THEMIS: variants seen among roughly 807,000 people sequenced by gnomAD.
THEMIS encodes the protein thymocyte selection associated.
THEMIS carries 37 observed loss-of-function variants against 52.6 expected under a neutral mutation model. That is an observed-to-expected ratio of 0.70 (90% CI 0.54 to 0.93). The LOEUF (loss-of-function observed/expected upper bound fraction) is 0.93, where lower values mean the gene tolerates loss of function less well. Among genes scored for constraint, THEMIS ranks in the 40% least tolerant of loss-of-function variants. The pLI is 0.00. For missense variants in THEMIS, 808 were observed against 763.1 expected (o/e 1.06, Z -0.69); for synonymous variants, 292 against 272.7 (o/e 1.07, Z -0.70).
intron 4 of THEMIS, among the ~76,000 whole-genome samples, chr6:127,753,642 T>A (rs1194938908): frequency 6.6e-6 from 1 of 151,920 alleles, no homozygotes; most frequent in Non-Finnish European, 1.5e-5. Context: ...GCTAAATCAA[T>A]CTTGTAAAGG....
At chr6:127,885,778 T>C (rs899620958) in intron 1 of THEMIS, among the ~76,000 whole-genome samples, 1 of 152,156 alleles carries the variant, frequency 6.6e-6, no homozygotes, top group Non-Finnish European at 1.5e-5. Context: ...TTGAGCATCA[T>C]ACTTTTGGGC....
At chr6:127,753,727 G>A (rs1775725616) in intron 4 of THEMIS, among the ~76,000 whole-genome samples, 1 of 152,016 alleles carries the variant, frequency 6.6e-6, no homozygotes, top group South Asian at 2.1e-4. Flanking sequence ...ATAATAGAAT[G>A]TTGATTGCCA....
chr6:127,765,369 T>C (rs1232334837), intron 4 of THEMIS, among the ~76,000 whole-genome samples: 3 of 152,096 alleles, frequency 2.0e-5, no homozygotes, highest in Non-Finnish European at 4.4e-5. Context: ...TTGGGATGAA[T>C]TTTCAACTAG....
chr6:127,828,115 G>A lies in THEMIS; in HGVS notation c.709+1361C>T, dbSNP rs867596522. 7.2e-5 allele frequency among the ~76,000 whole-genome samples: 11 copies of A among 152,106 alleles called. 2 individuals carry two copies. The Middle Eastern group carries it at 0.017, about 235-fold the overall frequency. On this transcript the variant is annotated intron_variant, in intron 3 of 5. Coordinates refer to ENST00000368248, the MANE Select transcript of THEMIS (RefSeq NM_001010923.3). ...CCTTCCATTTAAATGCCATTTCCTC[G>A]GAGTAGTTTTTCTTGCTTCCTAATT... is the stretch of plus-strand genomic sequence containing the variant.
At chr6:127,891,473 T>C (rs1583401742) in intron 1 of THEMIS, among the ~76,000 whole-genome samples, 1 of 143,806 alleles carries the variant, frequency 7.0e-6, no homozygotes, top group East Asian at 2.0e-4. Flanking sequence ...GAGGTGGAGG[T>C]TGCAGTGAGC....
intron 1 of THEMIS, among the ~76,000 whole-genome samples, chr6:127,867,297 A>G (rs1256135757): frequency 2.6e-5 from 4 of 152,126 alleles, no homozygotes; most frequent in Admixed American, 6.6e-5. Context: ...TTCCACTGCT[A>G]AAATAAATCC....
downstream of THEMIS, among the ~76,000 whole-genome samples, chr6:127,705,368 A>C (rs116517800): frequency 4.6e-3 from 696 of 152,320 alleles, 4 homozygotes; most frequent in African/African-American, 0.016. Context: ...ATGATGGCAG[A>C]TATTACTGTA....
At chr6:127,744,166 G>T (rs1015246191) in intron 4 of THEMIS, among the ~76,000 whole-genome samples, 1 of 152,004 alleles carries the variant, frequency 6.6e-6, no homozygotes, top group South Asian at 2.1e-4. Flanking sequence ...TGGCCACTTT[G>T]TTCAGGATGT....
intron 5 of THEMIS, among the ~76,000 whole-genome samples, chr6:127,716,181 T>C (rs1774152265): frequency 6.6e-6 from 1 of 151,888 alleles, no homozygotes. Context: ...AACATTTATG[T>C]TTATGTAGGA....
intron 3 of THEMIS, among the ~76,000 whole-genome samples, chr6:127,822,195 G>C (rs1287640427): frequency 6.6e-6 from 1 of 151,972 alleles, no homozygotes. Context: ...TTATAGGGCA[G>C]TTATTAGATT....
At chr6:127,769,021 G>A (rs971841458) in intron 4 of THEMIS, among the ~76,000 whole-genome samples, 3 of 152,166 alleles carry the variant, frequency 2.0e-5, no homozygotes, top group Non-Finnish European at 2.9e-5. Flanking sequence ...AAAAGACAAT[G>A]TTCATTTCGT....
intron 2 of THEMIS, among the ~76,000 whole-genome samples, chr6:127,840,884 G>A (rs1391424433): frequency 2.6e-5 from 4 of 151,946 alleles, no homozygotes; most frequent in African/African-American, 4.8e-5. Context: ...ACTATATGAC[G>A]CTCTGAAAAA....
chr6:127,783,870 G>T (rs1465448485), intron 4 of THEMIS, among the ~76,000 whole-genome samples: 1 of 152,142 alleles, frequency 6.6e-6, no homozygotes, highest in Admixed American at 6.5e-5. Context: ...ATTTGACCCA[G>T]CAATCCCATT....
At position 127,858,623 on chromosome 6, in the gene THEMIS, C is replaced by T. The variant is rs193164776; in HGVS notation, c.92-3435G>A. ...CCAACTTTCATTATCTCAAAACAAACACATAATATGTGTAATTGCTTTTAA... is the reference window on the plus strand; with the variant it reads ...CCAACTTTCATTATCTCAAAACAAATACATAATATGTGTAATTGCTTTTAA... On this transcript the variant is annotated intron_variant, in intron 1 of 5. Transcript: ENST00000368248. Among the ~76,000 whole-genome samples, 256 of 152,120 alleles carry T rather than the reference C, an allele frequency of 1.7e-3. 1 individual carries two copies. The highest frequency in any genetic ancestry group is 6.0e-3 in the African/African-American group (249 of 41,508).
intron 4 of THEMIS, among the ~76,000 whole-genome samples, chr6:127,787,190 G>A (rs1021574483): frequency 6.6e-6 from 1 of 151,836 alleles, no homozygotes; most frequent in African/African-American, 2.4e-5. Flanking sequence ...CAAGATATAG[G>A]GTTTTTTTTA....
At chr6:127,795,227 C>G (rs1222393234) in intron 4 of THEMIS, among the ~76,000 whole-genome samples, 5 of 152,128 alleles carry the variant, frequency 3.3e-5, no homozygotes, top group Admixed American at 1.3e-4. Context: ...AATAGAAAAC[C>G]ATTTGCCAAG....
chr6:127,734,735 T>C (rs958117630), intron 4 of THEMIS, among the ~76,000 whole-genome samples: 28 of 151,160 alleles, frequency 1.9e-4, no homozygotes, highest in African/African-American at 6.3e-4. Context: ...CCGGGTGTGG[T>C]GGCACGCGCC....
At chr6:127,785,598 A>C (rs1475251258) in intron 4 of THEMIS, among the ~76,000 whole-genome samples, 1 of 152,070 alleles carries the variant, frequency 6.6e-6, no homozygotes, top group African/African-American at 2.4e-5. Context: ...AAAGGATTAT[A>C]AAAATATAAT....
chr6:127,836,374 C>T (rs1778875326), intron 2 of THEMIS, among the ~76,000 whole-genome samples: 1 of 152,102 alleles, frequency 6.6e-6, no homozygotes, highest in South Asian at 2.1e-4. Flanking sequence ...AAAACAGCAG[C>T]AATTCTTCTA....
Sources: allele counts gnomAD v4.1 joint callset (sites outside exome capture counted in the v4.1 genomes callset), GRCh38; gene constraint gnomAD v4.1.1; transcripts MANE v1.5; gene names NCBI Gene and HGNC (gene_info 2026-07-23, HGNC 2026-07-21).